The following CNTN6 variants were observed in gnomAD, a reference collection of about 807,000 sequenced individuals.
CNTN6 encodes the protein contactin-6.
CNTN6 carries 137 observed loss-of-function variants against 122.8 expected under a neutral mutation model. The ratio of observed to expected loss-of-function variants is 1.12; its 90% confidence interval spans 0.97 to 1.29. The LOEUF (loss-of-function observed/expected upper bound fraction) is 1.29. CNTN6 is among the 50% of genes most tolerant of loss of function. CNTN6 has a pLI of 0.00. For missense variants in CNTN6, 1,634 were observed against 1,223.4 expected (o/e 1.34, Z -5.01); for synonymous variants, 570 against 426.0 (o/e 1.34, Z -4.16).
At chr3:1,185,405 C>T (rs1431138319) in intron 2 of CNTN6, among the ~76,000 whole-genome samples, 1 of 152,126 alleles carries the variant, frequency 6.6e-6, no homozygotes. Flanking sequence ...CCAAGAAGAG[C>T]TTTGATTATA....
At chr3:1,264,210 C>T (rs1197350752) in intron 4 of CNTN6, among the ~76,000 whole-genome samples, 3 of 152,026 alleles carry the variant, frequency 2.0e-5, no homozygotes, top group Non-Finnish European at 4.4e-5. Flanking sequence ...TACTGTGGGC[C>T]AGCACTTACT....
At position 1,211,312 on chromosome 3, in the gene CNTN6, C is replaced by A. The variant is rs114495560; in HGVS notation, c.56-9375C>A. Among the ~76,000 whole-genome samples, 1,246 of 152,136 alleles carry A rather than the reference C, an allele frequency of 8.2e-3. 28 individuals carry two copies. The highest frequency in any genetic ancestry group is 0.029 in the African/African-American group (1,197 of 41,488). ...TCATACAATGTGATTCAGGTAGAAC[C>A]AAAAATAATATGACTTTTAGTTCTG... On this transcript the variant is annotated intron_variant, in intron 2 of 22. Transcript: ENST00000446702.
chr3:1,310,883 C>G (rs535790271), intron 7 of CNTN6, among the ~76,000 whole-genome samples: 111 of 152,116 alleles, frequency 7.3e-4, no homozygotes, highest in African/African-American at 2.6e-3. Context: ...CACCTGTAAT[C>G]CCAGCTACTC....
At chr3:1,168,537 C>A (rs2093302493) in intron 2 of CNTN6, among the ~76,000 whole-genome samples, 1 of 151,366 alleles carries the variant, frequency 6.6e-6, no homozygotes, top group African/African-American at 2.4e-5. Flanking sequence ...AAGAGACGAG[C>A]TCTGAGACGT....
intron 2 of CNTN6, among the ~76,000 whole-genome samples, chr3:1,177,098 C>A (rs2093465081): frequency 6.6e-6 from 1 of 152,186 alleles, no homozygotes. Flanking sequence ...AAAGTTCCAA[C>A]TGGGAACCCT....
intron 2 of CNTN6, among the ~76,000 whole-genome samples, chr3:1,209,408 C>G (rs1253997402): frequency 1.3e-5 from 2 of 152,148 alleles, no homozygotes; most frequent in African/African-American, 4.8e-5. Context: ...TGCAGCTTCT[C>G]TTCTTCACAT....
At position 1,390,886 on chromosome 3, in the gene CNTN6, A is replaced by G. The variant is rs1694042281; in HGVS notation, c.2704+5089A>G. ...AGTTGAATCTCTGAATAGACCAATA[A>G]CAGGAGCTGAAATTGTGGCAATAAT... is the stretch of plus-strand genomic sequence containing the variant. On this transcript the variant is annotated intron_variant, in intron 20 of 22. Transcript: ENST00000446702. Among the ~76,000 whole-genome samples, 4 of 150,926 alleles carry G rather than the reference A, an allele frequency of 2.7e-5. No homozygotes were observed. In the East Asian group the frequency reaches 7.8e-4, roughly 30 times the overall value.
intron 12 of CNTN6, among the ~76,000 whole-genome samples, chr3:1,371,696 T>C (rs1709040277): frequency 1.3e-5 from 2 of 152,192 alleles, no homozygotes; most frequent in South Asian, 4.1e-4. Context: ...GGAAGGTTTT[T>C]ATGATGGATG....
intron 1 of CNTN6, among the ~76,000 whole-genome samples, chr3:1,099,356 C>T (rs1450038028): frequency 2.0e-5 from 3 of 151,836 alleles, no homozygotes; most frequent in Admixed American, 2.0e-4. Flanking sequence ...GAGGCTGAGG[C>T]GGGAGAATGG....
At chr3:1,293,831 T>G (rs1695740426) in intron 5 of CNTN6, among the ~76,000 whole-genome samples, 1 of 152,222 alleles carries the variant, frequency 6.6e-6, no homozygotes, top group Non-Finnish European at 1.5e-5. Flanking sequence ...ATAGTTCTAC[T>G]CTACCTAGTT....
chr3:1,311,164 G>GTGTA (rs752246463), intron 7 of CNTN6, among the ~76,000 whole-genome samples: 29 of 136,318 alleles, frequency 2.1e-4, no homozygotes, highest in Non-Finnish European at 3.6e-4. Context: ...ATATACATAG[G>GTGTA]TGTATATATA....
intron 2 of CNTN6, among the ~76,000 whole-genome samples, chr3:1,202,543 A>AATATAAAT (rs1265347536): frequency 7.9e-6 from 1 of 126,504 alleles, no homozygotes; most frequent in Non-Finnish European, 1.7e-5. Context: ...TCCGTCTCAA[A>AATATAAAT]AAATAAATAA....
rs190344781 is a variant in CNTN6, at chr3:1,159,713, A to C, written c.55+11650A>C. On this transcript the variant is annotated intron_variant, in intron 2 of 22. Transcript: ENST00000446702. ...TAAAAATAATCTGGTTCTCAAACTT[A>C]ACTTCACATTGGAATCACTTGAGGA... Among the ~76,000 whole-genome samples, 7 of 152,196 alleles carry C rather than the reference A, an allele frequency of 4.6e-5. No individual in the cohort carries two copies. In the East Asian group the frequency reaches 1.3e-3, roughly 29 times the overall value.
intron 12 of CNTN6, 58 bp downstream of exon 12, chr3:1,352,509 G>T: frequency 1.3e-6 from 2 of 1,583,230 alleles, no homozygotes; most frequent in South Asian, 2.2e-5. Context: ...GGCATATTAT[G>T]ACTTGTGTTA....
At chr3:1,352,620 C>T (rs1248184271) in intron 12 of CNTN6, among the ~76,000 whole-genome samples, 169 bp downstream of exon 12, 1 of 151,678 alleles carries the variant, frequency 6.6e-6, no homozygotes, top group African/African-American at 2.4e-5. Flanking sequence ...CACACTTTGC[C>T]AGTGGGATAC....
At chr3:1,280,600 G>A (rs1158629517) in intron 5 of CNTN6, among the ~76,000 whole-genome samples, 1 of 150,890 alleles carries the variant, frequency 6.6e-6, no homozygotes, top group African/African-American at 2.4e-5. Flanking sequence ...GAGTAGCTGG[G>A]ATTACATTTG....
At chr3:1,303,196 T>A (rs1697726769) in intron 7 of CNTN6, among the ~76,000 whole-genome samples, 1 of 136,506 alleles carries the variant, frequency 7.3e-6, no homozygotes, top group Non-Finnish European at 1.6e-5. Context: ...ATATTAATTA[T>A]AGTAATTCAA....
chr3:1,363,962 T>C (rs1169781041), intron 12 of CNTN6, among the ~76,000 whole-genome samples: 1 of 152,068 alleles, frequency 6.6e-6, no homozygotes, highest in Non-Finnish European at 1.5e-5. Context: ...ACAGGTGTGA[T>C]GTGACATCTC....
chr3:1,325,187 C>A (rs535810621), intron 8 of CNTN6, among the ~76,000 whole-genome samples: 1 of 151,888 alleles, frequency 6.6e-6, no homozygotes, highest in Admixed American at 6.6e-5. Flanking sequence ...GAAGAACTTT[C>A]TCAAATTAAA....
Sources: gnomAD v4.1 joint callset for allele counts (sites outside exome capture counted in the v4.1 genomes callset) on GRCh38, gnomAD v4.1.1 for gene constraint, MANE v1.5 for transcripts, NCBI Gene and HGNC (gene_info 2026-07-23, HGNC 2026-07-21) for gene names.